The following RTTN variants were observed in gnomAD, a reference collection of about 807,000 sequenced individuals.
The protein encoded by RTTN is rotatin.
In RTTN, 182 loss-of-function variants were observed where a neutral mutation model predicts 269.2. That is an observed-to-expected ratio of 0.68 (90% CI 0.60 to 0.76). RTTN has a LOEUF of 0.76. RTTN is among the 30% of genes least tolerant of loss of function. The pLI is 0.00. For missense variants in RTTN, 2,545 were observed against 2,608.6 expected (o/e 0.98, Z 0.53); for synonymous variants, 1,006 against 963.5 (o/e 1.04, Z -0.82).
chr18:70,125,236 G>A (rs1434607607), intron 25 of RTTN, among the ~76,000 whole-genome samples: 1 of 151,866 alleles, frequency 6.6e-6, no homozygotes, highest in Non-Finnish European at 1.5e-5. Context: ...CATGGTTTAG[G>A]GTGGTGTTCA....
Position 70,089,904 on chromosome 18 carries a change from G to A in RTTN, c.4144-1757C>T, listed in dbSNP as rs376056875. Among the ~76,000 whole-genome samples the A allele has an allele frequency of 5.3e-5, 8 of 152,260 alleles. No homozygotes were observed. In the South Asian group the frequency reaches 1.0e-3, roughly 20 times the overall value. ...AGAGATGAATTAAAGAAGGAATTAA[G>A]AATGGGTAAGCAAAAAGAAACAAGA... On this transcript the variant is annotated intron_variant, in intron 30 of 48. Coordinates refer to ENST00000640769, the MANE Select transcript of RTTN (RefSeq NM_173630.4).
At chr18:70,092,584 A>G (rs929733744) in intron 29 of RTTN, 92 bp downstream of exon 29, 13 of 1,417,380 alleles carry the variant, frequency 9.2e-6, no homozygotes, top group Middle Eastern at 1.8e-4. Flanking sequence ...AGACATTTTC[A>G]TGTGGCAAGT....
rs199610052 is a variant in RTTN at position 70,147,948 on chromosome 18, A to AGC, written c.2309+951_2309+952dup. Among the ~76,000 whole-genome samples, 410 of 152,208 alleles carry AGC rather than the reference A, an allele frequency of 2.7e-3. 1 individual carries two copies. Among genetic ancestry groups the AGC allele is most frequent in the Non-Finnish European group, 4.7e-3 (320 of 67,996 alleles). On this transcript the variant is annotated intron_variant, in intron 17 of 48. Transcript: ENST00000640769. ...GTAGAAGACAACCCCTGAGAACACA[A>AGC]GCACGTTAACTCCCTCTGCCCTACT... is the stretch of plus-strand genomic sequence containing the variant.
intron 12 of RTTN, among the ~76,000 whole-genome samples, chr18:70,168,167 G>A (rs1217512993): frequency 6.6e-6 from 1 of 151,560 alleles, no homozygotes; most frequent in African/African-American, 2.4e-5. Context: ...TTCTACTGTA[G>A]GCACCAAAAT....
rs201317359 is a variant in RTTN, at chr18:70,017,532, T to C, written c.6296A>G (p.Asp2099Gly). ...EDGQQMILRL[D>G]GCLDLLTEMS... ...CTCTGTTAGTAAGTCTAGACAGCCA[T>C]CAAGCCTCAGAATCATTTGTTGCCC... The change falls in exon 46 of 49, where the codon GAT (aspartate) becomes GGT (glycine). Residue 2099 changes from aspartate (D) to glycine (G), a missense_variant. Physicochemically the swap from Asp to Gly is moderately conservative, Grantham distance 94. Coordinates refer to ENST00000640769, the MANE Select transcript of RTTN (RefSeq NM_173630.4). The C allele has an allele frequency of 1.5e-5, 24 of 1,613,976 alleles. No homozygotes were observed. The highest frequency in any genetic ancestry group is 2.0e-5 in the Non-Finnish European group (24 of 1,179,988).
rs778519254 is a variant in RTTN at position 70,199,415 on chromosome 18, T to C, written c.577A>G (p.Ser193Gly). The C allele has an allele frequency of 1.2e-6, 2 of 1,602,618 alleles. No homozygotes were observed. Among genetic ancestry groups the C allele is most frequent in the Admixed American group, 1.7e-5 (1 of 59,960 alleles). Residue 193 changes from serine to glycine, a missense_variant and splice_region_variant, in exon 5 of 49, where the codon AGC becomes GGC. Physicochemically the swap from Ser to Gly is moderately conservative, Grantham distance 56. Transcript: ENST00000640769. Reference sequence around the variant, plus strand: ...CTGAAAATACATCAAGCACCGTACCTTTCATTAGAGGAGAGGACATGTCTG... The same window carrying C: ...CTGAAAATACATCAAGCACCGTACCCTTCATTAGAGGAGAGGACATGTCTG... ...TDRHVLSSNE[S>G]SLRSSNHTLI...
At chr18:70,040,854 A>T (rs1156691520) in intron 40 of RTTN, among the ~76,000 whole-genome samples, 1 of 152,236 alleles carries the variant, frequency 6.6e-6, no homozygotes, top group African/African-American at 2.4e-5. Flanking sequence ...ATGAAAATTA[A>T]ACAATATGCT....
chr18:70,137,863 T>G (rs984505179), intron 21 of RTTN, among the ~76,000 whole-genome samples: 1 of 152,184 alleles, frequency 6.6e-6, no homozygotes, highest in Non-Finnish European at 1.5e-5. Flanking sequence ...GTAAGCTCCA[T>G]GAGGGTCATT....
At chr18:70,097,143 G>C (rs1256982930) in intron 28 of RTTN, among the ~76,000 whole-genome samples, 1 of 152,106 alleles carries the variant, frequency 6.6e-6, no homozygotes, top group Non-Finnish European at 1.5e-5. Context: ...CTGATTTAAA[G>C]ATTTAATTAT....
intron 28 of RTTN, among the ~76,000 whole-genome samples, chr18:70,096,345 C>G (rs752397653): frequency 6.6e-6 from 1 of 152,172 alleles, no homozygotes; most frequent in Non-Finnish European, 1.5e-5. Context: ...CCCTTGCTGT[C>G]AAGGAGTTGT....
chr18:70,032,892 C>T (rs1024562534), intron 40 of RTTN, among the ~76,000 whole-genome samples: 2 of 152,250 alleles, frequency 1.3e-5, no homozygotes, highest in Admixed American at 6.5e-5. Context: ...CTCATTGCCA[C>T]ATGGCACATA....
intron 10 of RTTN, among the ~76,000 whole-genome samples, chr18:70,187,236 T>C (rs1226147262): frequency 2.0e-5 from 3 of 152,166 alleles, no homozygotes; most frequent in Non-Finnish European, 4.4e-5. Flanking sequence ...ATAATCCTCA[T>C]ACCTACTATT....
rs780751185 is a variant in RTTN, at chr18:70,196,585, C to T, written c.757G>A (p.Val253Met). 2 of 1,599,504 alleles carry T rather than the reference C, an allele frequency of 1.3e-6. No homozygotes were observed. The highest frequency in any genetic ancestry group is 1.7e-6 in the Non-Finnish European group (2 of 1,175,632). Residue 253 changes from valine to methionine, a missense_variant, in exon 7 of 49, where the codon GTG becomes ATG. Val to Met is a conservative substitution (Grantham distance 21, BLOSUM62 1). Transcript: ENST00000640769. ...ATGCACAGCTGCTGCAGGCAGGACA[C>T]CGACTGTAATGCCAGGCGATGCTTT... ...DGKHRLALQS[V>M]SCLQQLCMYL...
At position 70,139,728 on chromosome 18, in the gene RTTN, G is replaced by C; in HGVS notation, c.2671-12C>G. 6.7e-7 allele frequency: 1 copy of C among 1,495,670 alleles called. No homozygotes were observed. Among genetic ancestry groups the C allele is most frequent in the South Asian group, 1.1e-5 (1 of 87,760 alleles). 92.6% of individuals were successfully genotyped at this position (1,495,670 alleles called of 1,614,324 possible). On this transcript the variant is annotated splice_polypyrimidine_tract_variant and intron_variant, in intron 20 of 48. Transcript: ENST00000640769. ...AAACATTCTACAACCTGGGCCAGGAGGAAAAACACAGCTTTTCATTTTCAC... is the reference window on the plus strand; with the variant it reads ...AAACATTCTACAACCTGGGCCAGGACGAAAAACACAGCTTTTCATTTTCAC...
intron 21 of RTTN, among the ~76,000 whole-genome samples, chr18:70,136,374 CTA>C (rs1306255030): frequency 1.3e-5 from 2 of 151,302 alleles, no homozygotes; most frequent in East Asian, 2.0e-4. Flanking sequence ...CAGAAAAGTT[CTA>C]TATGTTTCCA....
At chr18:70,092,055 G>A (rs188240662) in intron 30 of RTTN, 55 bp downstream of exon 30, 110 of 1,153,674 alleles carry the variant, frequency 9.5e-5, no homozygotes, top group Admixed American at 5.3e-4. Flanking sequence ...ACCTGGCCCC[G>A]TGTCATTTGT....
At chr18:70,168,833 A>T in intron 12 of RTTN, 22 bp downstream of exon 12, 1 of 1,530,178 alleles carries the variant, frequency 6.5e-7, no homozygotes. Flanking sequence ...GATTTAAAAG[A>T]GATATTAAAA....
intron 11 of RTTN, among the ~76,000 whole-genome samples, chr18:70,169,844 C>T (rs978042860): frequency 6.6e-6 from 1 of 152,134 alleles, no homozygotes; most frequent in Non-Finnish European, 1.5e-5. Flanking sequence ...AATCTCTTGA[C>T]AAGACTCACT....
At chr18:70,199,326 CTT>C in intron 5 of RTTN, 86 bp downstream of exon 5, 2 of 849,580 alleles carry the variant, frequency 2.4e-6, no homozygotes, top group Non-Finnish European at 3.7e-6. Context: ...CCACTAGTAT[CTT>C]TTCCTGGTAA....
Sources: gnomAD v4.1 joint callset for allele counts (sites outside exome capture counted in the v4.1 genomes callset) on GRCh38, gnomAD v4.1.1 for gene constraint, MANE v1.5 for transcripts, NCBI Gene and HGNC (gene_info 2026-07-23, HGNC 2026-07-21) for gene names.